NR3C1: variants seen among roughly 807,000 people sequenced by gnomAD.
NR3C1 encodes the protein glucocorticoid receptor.
In NR3C1, 14 loss-of-function variants were observed where a neutral mutation model predicts 74.0. That is an observed-to-expected ratio of 0.19 (90% confidence interval 0.12 to 0.30). The LOEUF is 0.30. Ranked by LOEUF, NR3C1 falls within the 10% of genes least tolerant of loss-of-function variation. NR3C1 has a pLI of 1.00. For synonymous variants in NR3C1, 308 were observed against 332.5 expected (o/e 0.93, Z 0.80); for missense variants, 695 against 909.8 (o/e 0.76, Z 3.04).
At chr5:143,283,344 T>C (rs1167299740) in intron 7 of NR3C1, among the ~76,000 whole-genome samples, 1 of 152,226 alleles carries the variant, frequency 6.6e-6, no homozygotes, top group Non-Finnish European at 1.5e-5. Flanking sequence ...AGTAAATCAC[T>C]TGATTTCTCA....
At chr5:143,396,927 GT>G (rs1398550036) in intron 2 of NR3C1, among the ~76,000 whole-genome samples, 20 of 151,898 alleles carry the variant, frequency 1.3e-4, no homozygotes, top group African/African-American at 4.6e-4. Flanking sequence ...TCGTCAATAA[GT>G]TTATGCTAAA....
chr5:143,403,337 T>C lies in NR3C1; in HGVS notation c.-140A>G. On this transcript the variant is annotated 5_prime_UTR_variant, in exon 1 of 9. Transcript: ENST00000394464. ...ATTTTTTTTTTCTAAAAAAAGGAAG[T>C]AAACAGCCGCCCCTTTCTCCATGGG... is the stretch of plus-strand genomic sequence containing the variant. 1.0e-6 allele frequency: 1 copy of C among 985,098 alleles called. No homozygotes were observed. 61.0% of individuals were successfully genotyped at this position (985,098 alleles called of 1,614,324 possible). A position where few individuals can be genotyped will look rare whatever the true frequency, so the allele number is the denominator to read the frequency against.
At chr5:143,402,935 C>A (rs982612655) in intron 1 of NR3C1, 2 of 812,770 alleles carry the variant, frequency 2.5e-6, no homozygotes, top group African/African-American at 3.7e-5. Flanking sequence ...TCGAAGCCCC[C>A]GGCAGTTCGA....
Position 143,327,361 on chromosome 5 carries a change from C to T in NR3C1, c.1185-13193G>A, listed in dbSNP as rs116904189. Among the ~76,000 whole-genome samples the T allele has an allele frequency of 1.1e-3, 166 of 152,232 alleles. 3 individuals carry two copies. The East Asian group carries it at 0.023, about 21-fold the overall frequency. ...CACCAGGTCCCTCCCCCAAAACATG[C>T]GGGTTACAATTCAAGATTAGATTTG... On this transcript the variant is annotated intron_variant, in intron 2 of 8. Coordinates refer to ENST00000394464, the MANE Select transcript of NR3C1 (RefSeq NM_000176.3).
At position 143,435,077 on chromosome 5, in the gene NR3C1, T is replaced by C. The variant is rs1253169902; in HGVS notation, c.-559A>G. On this transcript the variant is annotated 5_prime_UTR_variant, in exon 1 of 9. Transcript: ENST00000343796. ...AGGCAGATCCTAATGGAAACCAACA[T>C]GTGAGGTCTGATGCTGGGAATTTTA... 9 of 985,310 alleles carry C rather than the reference T, an allele frequency of 9.1e-6. No individual in the cohort carries two copies. In the African/African-American group the frequency reaches 1.6e-4, roughly 17 times the overall value. 61.0% of individuals were successfully genotyped at this position (985,310 alleles called of 1,614,324 possible). A position where few individuals can be genotyped will look rare whatever the true frequency, so the allele number is the denominator to read the frequency against.
intron 2 of NR3C1, among the ~76,000 whole-genome samples, chr5:143,354,111 T>G (rs1830686085): frequency 6.6e-6 from 1 of 152,262 alleles, no homozygotes; most frequent in African/African-American, 2.4e-5. Context: ...CAATTTTTCT[T>G]CTGCAGCTTT....
At chr5:143,397,171 AT>A (rs953452353) in intron 2 of NR3C1, among the ~76,000 whole-genome samples, 24 of 151,352 alleles carry the variant, frequency 1.6e-4, no homozygotes, top group African/African-American at 4.6e-4. Flanking sequence ...TAAAGTGAGG[AT>A]TTTTTTTTAA....
rs149835331 is a variant in NR3C1 at position 143,326,656 on chromosome 5, G to A, written c.1185-12488C>T. ...ATGTATTCAACCCTGGAATTTTTGG[G>A]GAAGCATTTGTTTTTTTCTGAAATA... On this transcript the variant is annotated intron_variant, in intron 2 of 8. Transcript: ENST00000394464. Among the ~76,000 whole-genome samples the A allele has an allele frequency of 9.1e-4, 138 of 152,124 alleles. 1 individual carries two copies. The highest frequency in any genetic ancestry group is 3.1e-3 in the African/African-American group (127 of 41,502).
chr5:143,391,352 A>G (rs1838188411), intron 2 of NR3C1, among the ~76,000 whole-genome samples: 1 of 152,140 alleles, frequency 6.6e-6, no homozygotes, highest in African/African-American at 2.4e-5. Context: ...CAATCCTCCC[A>G]ACTTTATGCA....
At chr5:143,404,684 TTA>T, upstream of NR3C1, 1 of 248,646 alleles carries the variant, frequency 4.0e-6, no homozygotes, top group Non-Finnish European at 6.4e-6. Flanking sequence ...CACTTTTTTT[TTA>T]TTATTATGAT....
chr5:143,403,497 C>G lies in NR3C1; in HGVS notation c.-300G>C, dbSNP rs1179732113. On this transcript the variant is annotated 5_prime_UTR_variant, in exon 1 of 9. Coordinates refer to ENST00000394464, the MANE Select transcript of NR3C1 (RefSeq NM_000176.3). ...CCCGGTCCCAGCTGCTTCGGCCGCT[C>G]CGGCTGCGGCGTCTCCTTCCACCCA... 8.1e-6 allele frequency: 8 copies of G among 985,134 alleles called. No individual in the cohort carries two copies. The East Asian group carries it at 8.0e-4, about 99-fold the overall frequency. 61.0% of individuals were successfully genotyped at this position (985,134 alleles called of 1,614,324 possible).
chr5:143,420,420 T>C (rs1212926387), intron 1 of NR3C1, among the ~76,000 whole-genome samples: 1 of 152,194 alleles, frequency 6.6e-6, no homozygotes, highest in Non-Finnish European at 1.5e-5. Flanking sequence ...CTAATAAATG[T>C]CCATGAAATC....
At chr5:143,299,101 G>A (rs1364898240) in intron 5 of NR3C1, among the ~76,000 whole-genome samples, 2 of 141,214 alleles carry the variant, frequency 1.4e-5, no homozygotes, top group Non-Finnish European at 3.0e-5. Flanking sequence ...TGCAACCTCC[G>A]CCTCCCGGGT....
chr5:143,402,862 T>C, intron 1 of NR3C1: 5 of 980,244 alleles, frequency 5.1e-6, no homozygotes, highest in African/African-American at 3.5e-5. Context: ...GGCGACCCCC[T>C]TGGAGGGAAA....
chr5:143,358,051 C>T (rs1831496087), intron 2 of NR3C1, among the ~76,000 whole-genome samples: 1 of 152,168 alleles, frequency 6.6e-6, no homozygotes, highest in Non-Finnish European at 1.5e-5. Context: ...AGTTAAGATG[C>T]CTTGATCGTT....
At chr5:143,398,724 A>G (rs1839708427) in intron 2 of NR3C1, among the ~76,000 whole-genome samples, 1 of 152,094 alleles carries the variant, frequency 6.6e-6, no homozygotes, top group African/African-American at 2.4e-5. Flanking sequence ...ATTTATCTGA[A>G]TTGGGGATGA....
At chr5:143,333,061 T>G (rs540985176) in intron 2 of NR3C1, 1 of 1,593,992 alleles carries the variant, frequency 6.3e-7, no homozygotes, top group Admixed American at 1.7e-5. Context: ...TTGGAAGACC[T>G]CATTCATGAA....
chr5:143,351,503 G>C (rs150313812), intron 2 of NR3C1, among the ~76,000 whole-genome samples: 5 of 152,124 alleles, frequency 3.3e-5, no homozygotes, highest in African/African-American at 1.2e-4. Context: ...TGTGTCCAGG[G>C]CTCTCTTCAT....
chr5:143,406,421 A>C (rs1268738770), upstream of NR3C1, among the ~76,000 whole-genome samples: 1 of 151,958 alleles, frequency 6.6e-6, no homozygotes, highest in Non-Finnish European at 1.5e-5. Flanking sequence ...AAAAAAAAAA[A>C]AACTTATCCT....
Sources: gnomAD v4.1 joint callset for allele counts (sites outside exome capture counted in the v4.1 genomes callset) on GRCh38, gnomAD v4.1.1 for gene constraint, MANE v1.5 for transcripts, NCBI Gene and HGNC (gene_info 2026-07-23, HGNC 2026-07-21) for gene names.